The following PTPRD variants were observed in gnomAD, a reference collection of about 807,000 sequenced individuals.
PTPRD encodes protein tyrosine phosphatase receptor type D.
Under a neutral mutation model 214.5 loss-of-function variants are expected in PTPRD, and 34 were observed. That is an observed-to-expected ratio of 0.16 (90% CI 0.12 to 0.21). PTPRD has a LOEUF of 0.21. Ranked by LOEUF, PTPRD falls within the 10% of genes least tolerant of loss-of-function variation. PTPRD has a pLI of 1.00. For missense variants in PTPRD, 2,545 were observed against 2,398.7 expected, an observed-to-expected ratio of 1.06 and a Z score of -1.27; for synonymous variants, 1,128 against 845.7, an observed-to-expected ratio of 1.33 and a Z score of -5.79.
chr9:9,657,447 C>T (rs2096541281), intron 7 of PTPRD, among the ~76,000 whole-genome samples: 1 of 151,976 alleles, frequency 6.6e-6, no homozygotes, highest in Non-Finnish European at 1.5e-5. Flanking sequence ...CACCGGGGGC[C>T]TGTCGAGGGT....
At chr9:9,112,853 T>A (rs2099807984) in intron 10 of PTPRD, among the ~76,000 whole-genome samples, 1 of 152,110 alleles carries the variant, frequency 6.6e-6, no homozygotes, top group Non-Finnish European at 1.5e-5. Context: ...ATCTCTTGAA[T>A]TACTTTAGCA....
At chr9:9,493,392 G>A (rs1325838195) in intron 8 of PTPRD, among the ~76,000 whole-genome samples, 1 of 152,180 alleles carries the variant, frequency 6.6e-6, no homozygotes, top group Non-Finnish European at 1.5e-5. Context: ...TGATGAAGAT[G>A]TACAAATATA....
At chr9:9,322,970 A>T (rs1697180195) in intron 9 of PTPRD, among the ~76,000 whole-genome samples, 1 of 152,214 alleles carries the variant, frequency 6.6e-6, no homozygotes, top group South Asian at 2.1e-4. Context: ...GTTTTTAAAA[A>T]TAATATATAA....
At chr9:10,338,845 T>C (rs2096889343) in intron 3 of PTPRD, among the ~76,000 whole-genome samples, 2 of 151,640 alleles carry the variant, frequency 1.3e-5, no homozygotes, top group African/African-American at 4.8e-5. Context: ...ATAGAATGGA[T>C]AAGCTTAGCA....
intron 11 of PTPRD, among the ~76,000 whole-genome samples, chr9:8,803,744 A>G (rs913803205): frequency 2.6e-5 from 4 of 152,002 alleles, no homozygotes; most frequent in Non-Finnish European, 5.9e-5. Context: ...AAATTAAAAA[A>G]AAAAAAGAAA....
intron 9 of PTPRD, among the ~76,000 whole-genome samples, chr9:9,388,604 G>T (rs2064718033): frequency 6.6e-6 from 1 of 151,952 alleles, no homozygotes; most frequent in Admixed American, 6.6e-5. Flanking sequence ...TCAATCACAG[G>T]CTTGTTCTCA....
At chr9:9,471,243 A>G (rs2094566321) in intron 8 of PTPRD, among the ~76,000 whole-genome samples, 1 of 152,184 alleles carries the variant, frequency 6.6e-6, no homozygotes, top group South Asian at 2.1e-4. Context: ...ATACCAACAT[A>G]TACATATATA....
At chr9:10,573,422 G>C (rs191618246) in intron 2 of PTPRD, among the ~76,000 whole-genome samples, 37 of 152,228 alleles carry the variant, frequency 2.4e-4, no homozygotes, top group African/African-American at 8.7e-4. Flanking sequence ...TTTGAGTTCA[G>C]ATATCCTCAT....
chr9:10,597,600 T>C (rs1176423014), intron 2 of PTPRD, among the ~76,000 whole-genome samples: 3 of 151,758 alleles, frequency 2.0e-5, no homozygotes, highest in African/African-American at 7.2e-5. Context: ...GATTGGAAAA[T>C]ATTTTTAATT....
chr9:9,404,813 G>T (rs10759063), intron 8 of PTPRD, among the ~76,000 whole-genome samples: 2 of 151,840 alleles, frequency 1.3e-5, no homozygotes, highest in Admixed American at 1.3e-4. Context: ...GCCCCGAGAA[G>T]TCCTGATATT....
At chr9:10,482,985 C>A (rs1037917178) in intron 2 of PTPRD, among the ~76,000 whole-genome samples, 12 of 152,028 alleles carry the variant, frequency 7.9e-5, no homozygotes, top group African/African-American at 2.7e-4. Context: ...CCAAGGCAAT[C>A]CTAAGCAAAA....
rs377050177 is a variant in PTPRD, at chr9:8,683,171, A to G, written c.65-46327T>C. 1.4e-4 allele frequency among the ~76,000 whole-genome samples: 21 copies of G among 152,320 alleles called. No homozygotes were observed. In the South Asian group the frequency reaches 4.1e-3, roughly 30 times the overall value. On this transcript the variant is annotated intron_variant, in intron 12 of 45. Coordinates refer to ENST00000381196, the MANE Select transcript of PTPRD (RefSeq NM_002839.4). The stretch of plus-strand genomic sequence containing the variant: ...AGAAGGCATACCACTTTTGAGTGCC[A>G]CACACAAAGCTGTATTTTCTGCATG...
intron 8 of PTPRD, among the ~76,000 whole-genome samples, chr9:9,478,728 A>G (rs2095244772): frequency 6.6e-6 from 1 of 152,318 alleles, no homozygotes; most frequent in South Asian, 2.1e-4. Flanking sequence ...TAAAAATTTG[A>G]TGCTCAAAAT....
At chr9:9,252,774 G>GT (rs1233363135) in intron 9 of PTPRD, among the ~76,000 whole-genome samples, 1 of 152,016 alleles carries the variant, frequency 6.6e-6, no homozygotes, top group East Asian at 1.9e-4. Context: ...CCTCTTCTGG[G>GT]TTATTCATTG....
intron 8 of PTPRD, among the ~76,000 whole-genome samples, chr9:9,504,841 A>G (rs915653653): frequency 2.0e-5 from 3 of 151,856 alleles, no homozygotes; most frequent in Middle Eastern, 3.4e-3. Context: ...AATCAGTTAT[A>G]TTTCTTTACA....
chr9:9,192,242 A>G (rs1593255223), intron 9 of PTPRD, among the ~76,000 whole-genome samples: 1 of 152,042 alleles, frequency 6.6e-6, no homozygotes, highest in Non-Finnish European at 1.5e-5. Context: ...AAGCTGTAAG[A>G]AAAAAATTAT....
chr9:9,156,204 T>A (rs2099881043), intron 10 of PTPRD, among the ~76,000 whole-genome samples: 1 of 152,168 alleles, frequency 6.6e-6, no homozygotes, highest in Admixed American at 6.6e-5. Context: ...TATCTTGACA[T>A]ACTTTTTGTA....
At chr9:9,480,932 A>G (rs2095383468) in intron 8 of PTPRD, among the ~76,000 whole-genome samples, 1 of 152,192 alleles carries the variant, frequency 6.6e-6, no homozygotes, top group African/African-American at 2.4e-5. Context: ...CATATGCCAC[A>G]TGCTACCCAC....
In PTPRD at chr9:9,374,316, GT is replaced by G. The variant is rs199794847; in HGVS notation, c.-203+23132del. 6.2e-4 allele frequency among the ~76,000 whole-genome samples: 94 copies of G among 152,110 alleles called. No individual in the cohort carries two copies. In the East Asian group the frequency reaches 0.016, roughly 26 times the overall value. ...TTTAAAACTTTTTATAAGGAATATA[GT>G]TATATGTAATTTCTATAATTAAATT... On this transcript the variant is annotated intron_variant, in intron 9 of 45. Coordinates refer to ENST00000381196, the MANE Select transcript of PTPRD (RefSeq NM_002839.4).
Sources: allele counts gnomAD v4.1 joint callset (sites outside exome capture counted in the v4.1 genomes callset), GRCh38; gene constraint gnomAD v4.1.1; transcripts MANE v1.5; gene names NCBI Gene and HGNC (gene_info 2026-07-23, HGNC 2026-07-21).